SLC24A3: variants seen among roughly 807,000 people sequenced by gnomAD.
The protein encoded by SLC24A3 is sodium/potassium/calcium exchanger 3.
SLC24A3 carries 28 observed loss-of-function variants against 75.8 expected under a neutral mutation model. The ratio of observed to expected loss-of-function variants is 0.37; its 90% CI spans 0.27 to 0.51. SLC24A3 has a LOEUF of 0.51. Ranked by LOEUF, SLC24A3 falls within the 20% of genes least tolerant of loss-of-function variation. The pLI is 0.94. For missense variants in SLC24A3, 663 were observed against 847.8 expected, an observed-to-expected ratio of 0.78 and a Z score of 2.71; for synonymous variants, 372 against 334.1, an observed-to-expected ratio of 1.11 and a Z score of -1.24.
intron 6 of SLC24A3, among the ~76,000 whole-genome samples, chr20:19,629,726 G>A (rs1222832239): frequency 1.3e-5 from 2 of 152,196 alleles, no homozygotes; most frequent in East Asian, 3.8e-4. Context: ...AAGCCTTGCG[G>A]GCCAGAATGG....
intron 2 of SLC24A3, among the ~76,000 whole-genome samples, chr20:19,455,457 A>G (rs1987562014): frequency 6.6e-6 from 1 of 152,212 alleles, no homozygotes; most frequent in Non-Finnish European, 1.5e-5. Flanking sequence ...TCATAAATGT[A>G]TGTAAACAGA....
chr20:19,542,759 G>T (rs1323089894), intron 3 of SLC24A3, among the ~76,000 whole-genome samples: 2 of 152,168 alleles, frequency 1.3e-5, no homozygotes, highest in Non-Finnish European at 2.9e-5. Context: ...GGATCGGAGA[G>T]CCCCTCTGAG....
chr20:19,267,822 G>T (rs139993273), intron 1 of SLC24A3, among the ~76,000 whole-genome samples: 1 of 152,152 alleles, frequency 6.6e-6, no homozygotes, highest in Non-Finnish European at 1.5e-5. Flanking sequence ...GGGCAGACAT[G>T]GGGGGCAGTG....
intron 2 of SLC24A3, among the ~76,000 whole-genome samples, chr20:19,363,110 C>T (rs1471394036): frequency 6.6e-6 from 1 of 152,222 alleles, no homozygotes; most frequent in Non-Finnish European, 1.5e-5. Context: ...CATGTTTGCA[C>T]GTCCTGCTGC....
At chr20:19,415,245 C>G in intron 2 of SLC24A3, among the ~76,000 whole-genome samples, 1 of 152,208 alleles carries the variant, frequency 6.6e-6, no homozygotes, top group Middle Eastern at 3.2e-3. Context: ...GACACACTCA[C>G]ACCTGCTCAT....
At chr20:19,215,177 G>T (rs930530372) in intron 1 of SLC24A3, among the ~76,000 whole-genome samples, 1 of 152,186 alleles carries the variant, frequency 6.6e-6, no homozygotes, top group Admixed American at 6.5e-5. Flanking sequence ...TTGTCGTTTG[G>T]CACACGTAAG....
chr20:19,376,170 T>G (rs1986080424), intron 2 of SLC24A3, among the ~76,000 whole-genome samples: 1 of 152,226 alleles, frequency 6.6e-6, no homozygotes, highest in African/African-American at 2.4e-5. Context: ...CAGAACTGTT[T>G]CATGGAATAC....
intron 2 of SLC24A3, among the ~76,000 whole-genome samples, chr20:19,403,442 G>T (rs933456690): frequency 6.6e-6 from 1 of 152,272 alleles, no homozygotes; most frequent in South Asian, 2.1e-4. Context: ...AACTCTGGGA[G>T]CCATGTGGTG....
At chr20:19,353,106 A>G (rs1985606413) in intron 2 of SLC24A3, among the ~76,000 whole-genome samples, 1 of 152,366 alleles carries the variant, frequency 6.6e-6, no homozygotes, top group Non-Finnish European at 1.5e-5. Flanking sequence ...CTAGGTGTAT[A>G]GTAGGCTATA....
chr20:19,589,075 A>C (rs1049621484), intron 6 of SLC24A3, among the ~76,000 whole-genome samples: 1 of 152,236 alleles, frequency 6.6e-6, no homozygotes, highest in African/African-American at 2.4e-5. Flanking sequence ...TGCACCTCTG[A>C]ATTGAAATCC....
chr20:19,492,115 G>A (rs1208438933), intron 2 of SLC24A3, among the ~76,000 whole-genome samples: 3 of 152,312 alleles, frequency 2.0e-5, no homozygotes, highest in African/African-American at 7.2e-5. Flanking sequence ...AGATCCGAAA[G>A]TTATCTACCT....
At chr20:19,541,004 C>T (rs1455775051) in intron 3 of SLC24A3, among the ~76,000 whole-genome samples, 1 of 152,238 alleles carries the variant, frequency 6.6e-6, no homozygotes, top group East Asian at 1.9e-4. Context: ...CCCCGCACAA[C>T]AATCCTTGGT....
intron 1 of SLC24A3, among the ~76,000 whole-genome samples, chr20:19,216,700 T>A (rs1981568881): frequency 6.6e-6 from 1 of 152,208 alleles, no homozygotes; most frequent in African/African-American, 2.4e-5. Context: ...TGTGCATGAA[T>A]GTATGTATGT....
chr20:19,415,152 G>A (rs943118479), intron 2 of SLC24A3, among the ~76,000 whole-genome samples: 3 of 152,178 alleles, frequency 2.0e-5, no homozygotes, highest in Non-Finnish European at 4.4e-5. Context: ...TCCAGCAGCA[G>A]GGGTCTTTGG....
chr20:19,706,812 T>C (rs1256164849), intron 15 of SLC24A3, among the ~76,000 whole-genome samples: 1 of 152,186 alleles, frequency 6.6e-6, no homozygotes, highest in African/African-American at 2.4e-5. Flanking sequence ...CAAGTTCAGC[T>C]ACGGGGCATT....
rs145567290 is a variant in SLC24A3, at chr20:19,574,112, TA to T, written c.349-5886del. ...CATTATTGTTGAATTAATAAATAAA[TA>T]ACTCTTCAAATCCTAAGGCAGGCGT... On this transcript the variant is annotated intron_variant, in intron 3 of 16. Transcript: ENST00000328041. Among the ~76,000 whole-genome samples the T allele has an allele frequency of 5.3e-3, 809 of 152,330 alleles. 6 individuals are homozygous for T. The highest frequency in any genetic ancestry group is 0.019 in the African/African-American group (771 of 41,574).
chr20:19,598,572 G>A (rs907647078), intron 6 of SLC24A3, among the ~76,000 whole-genome samples: 2 of 151,970 alleles, frequency 1.3e-5, no homozygotes, highest in African/African-American at 4.8e-5. Context: ...AAGCACACTG[G>A]CCTCAGTGTG....
At chr20:19,314,607 G>A (rs531652766) in intron 2 of SLC24A3, among the ~76,000 whole-genome samples, 3 of 152,236 alleles carry the variant, frequency 2.0e-5, no homozygotes, top group Non-Finnish European at 4.4e-5. Context: ...GAGCTACTGC[G>A]CCCTGCCTTT....
Position 19,554,761 on chromosome 20 carries a change from A to G in SLC24A3, c.349-25239A>G, listed in dbSNP as rs1026448942. Among the ~76,000 whole-genome samples, 40 of 152,218 alleles carry G rather than the reference A, an allele frequency of 2.6e-4. 1 individual carries two copies. The highest frequency in any genetic ancestry group is 5.6e-4 in the Non-Finnish European group (38 of 68,024). On this transcript the variant is annotated intron_variant, in intron 3 of 16. Coordinates refer to ENST00000328041, the MANE Select transcript of SLC24A3 (RefSeq NM_020689.4). Reference sequence around the variant, plus strand: ...AGGCAGAGCTGAAATAACCTCAGTGAGTTCTGAATGTGCCAGCTTTCTAAA... The same window carrying G: ...AGGCAGAGCTGAAATAACCTCAGTGGGTTCTGAATGTGCCAGCTTTCTAAA...
Sources: gnomAD v4.1 joint callset for allele counts (sites outside exome capture counted in the v4.1 genomes callset) on GRCh38, gnomAD v4.1.1 for gene constraint, MANE v1.5 for transcripts, NCBI Gene and HGNC (gene_info 2026-07-23, HGNC 2026-07-21) for gene names.